Variants in SPECC1 observed in about 807,000 individuals in gnomAD.
SPECC1 encodes the protein cytospin-B.
Under a neutral mutation model 104.1 loss-of-function variants are expected in SPECC1, and 62 were observed. That is an observed-to-expected ratio of 0.60 (90% CI 0.49 to 0.74). The LOEUF (loss-of-function observed/expected upper bound fraction) is 0.74, where lower values mean the gene tolerates loss of function less well. SPECC1 is among the 30% of genes least tolerant of loss of function. The pLI is 0.00. For missense variants in SPECC1, 1,306 were observed against 1,310.5 expected, an observed-to-expected ratio of 1.00 and a Z score of 0.05; for synonymous variants, 513 against 501.6, an observed-to-expected ratio of 1.02 and a Z score of -0.30.
chr17:20,281,500 G>T (rs138911332), intron 12 of SPECC1, among the ~76,000 whole-genome samples: 2 of 152,184 alleles, frequency 1.3e-5, no homozygotes, highest in Non-Finnish European at 2.9e-5. Flanking sequence ...CTCACACATG[G>T]AGGGCTTTGG....
At chr17:20,095,064 C>T (rs7215803) in intron 1 of SPECC1, among the ~76,000 whole-genome samples, 55,184 of 152,044 alleles carry the variant, frequency 0.36, 10,606 homozygotes, top group Middle Eastern at 0.51. Context: ...AGAGTCACTC[C>T]GGCTCTGTTC....
intron 3 of SPECC1, among the ~76,000 whole-genome samples, chr17:20,187,276 T>A (rs932697920): frequency 6.6e-6 from 1 of 152,222 alleles, no homozygotes; most frequent in African/African-American, 2.4e-5. Context: ...TTTGGTTGAC[T>A]TCCCAGCATT....
Position 20,194,502 on chromosome 17 carries a change from A to ATTTTTT in SPECC1, c.284-9813_284-9808dup, listed in dbSNP as rs1209589252. Among the ~76,000 whole-genome samples, 555 of 86,522 alleles carry ATTTTTT rather than the reference A, an allele frequency of 6.4e-3. 36 individuals are homozygous for ATTTTTT. Among genetic ancestry groups the ATTTTTT allele is most frequent in the African/African-American group, 0.026 (489 of 18,730 alleles). 56.8% of individuals were successfully genotyped at this position (86,522 alleles called of 152,430 possible). ...TGTGTTCTGTTAGAAAAGAGAACGA[A>ATTTTTT]TTTTTTTTTTTTTTTTTTTTTTTGA... On this transcript the variant is annotated intron_variant, in intron 3 of 14. Coordinates refer to ENST00000395527, the MANE Select transcript of SPECC1 (RefSeq NM_001243439.2).
chr17:20,271,702 T>C (rs1315784721), intron 12 of SPECC1, among the ~76,000 whole-genome samples: 2 of 152,122 alleles, frequency 1.3e-5, no homozygotes, highest in South Asian at 2.1e-4. Flanking sequence ...TCCCTGTTAG[T>C]TCTTTGCCTC....
At chr17:20,155,879 T>C (rs955139690) in intron 3 of SPECC1, 57 of 1,106,866 alleles carry the variant, frequency 5.1e-5, no homozygotes, top group Non-Finnish European at 6.0e-5. Flanking sequence ...ACAGATGAGG[T>C]GGGCGGACAG....
chr17:20,183,291 T>C (rs911695622), intron 3 of SPECC1, among the ~76,000 whole-genome samples: 1 of 152,218 alleles, frequency 6.6e-6, no homozygotes, highest in African/African-American at 2.4e-5. Flanking sequence ...CAATCTTTTT[T>C]ATAAAGCAAT....
intron 3 of SPECC1, among the ~76,000 whole-genome samples, chr17:20,126,194 C>G (rs932341145): frequency 3.9e-5 from 6 of 152,092 alleles, no homozygotes; most frequent in African/African-American, 1.4e-4. Context: ...TTTCCTTTCT[C>G]CCTCCTTCCC....
At chr17:20,277,523 A>C (rs1473671782) in intron 12 of SPECC1, among the ~76,000 whole-genome samples, 1 of 152,082 alleles carries the variant, frequency 6.6e-6, no homozygotes, top group Non-Finnish European at 1.5e-5. Flanking sequence ...CTGTCCCTTT[A>C]GCCTTATAGT....
intron 3 of SPECC1, among the ~76,000 whole-genome samples, chr17:20,186,992 T>A (rs577647577): frequency 2.0e-5 from 3 of 152,222 alleles, no homozygotes; most frequent in Admixed American, 6.5e-5. Context: ...TATACAGGTT[T>A]GAGTATCCCT....
At chr17:20,109,736 C>CT (rs904178930) in intron 2 of SPECC1, among the ~76,000 whole-genome samples, 2 of 152,132 alleles carry the variant, frequency 1.3e-5, no homozygotes, top group African/African-American at 4.8e-5. Context: ...TGTCATGAGC[C>CT]TTTTTTTGTT....
intron 14 of SPECC1, among the ~76,000 whole-genome samples, chr17:20,310,118 G>C (rs188305182): frequency 6.6e-6 from 1 of 151,808 alleles, no homozygotes; most frequent in African/African-American, 2.4e-5. Context: ...CACTGTGCCC[G>C]GCCCTTTATC....
In SPECC1 at chr17:20,152,232, G is replaced by A. The variant is rs187452482; in HGVS notation, c.283+41670G>A. ...CGAAAATCACTTAAACCCAGGAGGC[G>A]GAGATTGCAGTGAGCTGAGATCACG... On this transcript the variant is annotated intron_variant, in intron 3 of 14. Transcript: ENST00000395527. 6.7e-3 allele frequency among the ~76,000 whole-genome samples: 1,019 copies of A among 152,236 alleles called. 10 individuals are homozygous for A. The highest frequency in any genetic ancestry group is 0.023 in the African/African-American group (960 of 41,550).
Position 20,110,593 on chromosome 17 carries a change from G to A in SPECC1, c.283+31G>A, listed in dbSNP as rs199863280. On this transcript the variant is annotated intron_variant, in intron 3 of 14. Transcript: ENST00000395527. The stretch of plus-strand genomic sequence containing the variant: ...AGGGACCGGGCAGGTGGGCTCGGCA[G>A]GCCATCAGTCCTGGCCGCATGGAAG... 353 of 1,595,034 alleles carry A rather than the reference G, an allele frequency of 2.2e-4. 1 individual carries two copies. Among genetic ancestry groups the A allele is most frequent in the Non-Finnish European group, 2.1e-4 (248 of 1,170,820 alleles).
At chr17:20,231,975 A>G (rs1009565922) in intron 6 of SPECC1, 144 bp downstream of exon 6, 2 of 968,852 alleles carry the variant, frequency 2.1e-6, no homozygotes, top group Non-Finnish European at 3.1e-6. Context: ...GTTGGCAGGA[A>G]GTAAAATCAA....
intron 12 of SPECC1, among the ~76,000 whole-genome samples, chr17:20,287,269 T>G (rs1194964449): frequency 6.6e-6 from 1 of 151,650 alleles, no homozygotes. Flanking sequence ...TACAAAAAAT[T>G]AGCCGGGCGC....
chr17:20,040,648 C>T (rs569492771), intron 1 of SPECC1, among the ~76,000 whole-genome samples: 65 of 152,266 alleles, frequency 4.3e-4, no homozygotes, highest in African/African-American at 1.5e-3. Context: ...ACCATTGTGT[C>T]ATTTCCTTCT....
intron 1 of SPECC1, among the ~76,000 whole-genome samples, chr17:20,032,894 G>A (rs1334823885): frequency 6.6e-6 from 1 of 151,148 alleles, no homozygotes; most frequent in African/African-American, 2.4e-5. Flanking sequence ...ATGTGTGTCT[G>A]TATATATGTA....
At chr17:20,204,300 A>AT (rs1157396662) in intron 3 of SPECC1, 33 bp from the exon 4 acceptor site, 8 of 1,578,108 alleles carry the variant, frequency 5.1e-6, no homozygotes, top group Non-Finnish European at 5.1e-6. Flanking sequence ...TGCTTGCTTT[A>AT]TTTTTTCATT....
rs116684468 is a variant in SPECC1, at chr17:20,299,218, C to T, written c.3057+2141C>T. Among the ~76,000 whole-genome samples, 1,024 of 151,948 alleles carry T rather than the reference C, an allele frequency of 6.7e-3. 9 individuals carry two copies. The highest frequency in any genetic ancestry group is 0.023 in the African/African-American group (967 of 41,422). On this transcript the variant is annotated intron_variant, in intron 13 of 14. Coordinates refer to ENST00000395527, the MANE Select transcript of SPECC1 (RefSeq NM_001243439.2). ...CCTGATTAGATGAGGCCCACCCACA[C>T]TAACTGGGGTCATTTGCTTTGCCGA...
Sources: allele counts gnomAD v4.1 joint callset (sites outside exome capture counted in the v4.1 genomes callset), GRCh38; gene constraint gnomAD v4.1.1; transcripts MANE v1.5; gene names NCBI Gene and HGNC (gene_info 2026-07-23, HGNC 2026-07-21).